The following ITCH variants were observed in gnomAD, a reference collection of about 807,000 sequenced individuals.
ITCH encodes the protein itchy E3 ubiquitin protein ligase.
ITCH carries 28 observed loss-of-function variants against 126.8 expected under a neutral mutation model. That is an observed-to-expected ratio of 0.22 (90% CI 0.16 to 0.30). The LOEUF is 0.30. Ranked by LOEUF, ITCH falls within the 10% of genes least tolerant of loss-of-function variation. The pLI is 1.00. For missense variants in ITCH, 631 were observed against 1,032.4 expected, an observed-to-expected ratio of 0.61 and a Z score of 5.33; for synonymous variants, 342 against 340.0, an observed-to-expected ratio of 1.01 and a Z score of -0.06.
intron 3 of ITCH, among the ~76,000 whole-genome samples, chr20:34,407,044 G>T (rs1361001107): frequency 6.6e-6 from 1 of 152,066 alleles, no homozygotes; most frequent in Admixed American, 6.6e-5. Context: ...AAATCATGGG[G>T]TGCTTTGCTA....
intron 3 of ITCH, 50 bp downstream of exon 3, chr20:34,393,931 TA>T (rs1180795737): frequency 1.6e-5 from 25 of 1,522,830 alleles, no homozygotes; most frequent in Non-Finnish European, 2.3e-5. Context: ...CCCGTATGAT[TA>T]AAAAATAATC....
At chr20:34,489,141 T>G in intron 20 of ITCH, 125 bp from the exon 21 acceptor site, 1 of 726,374 alleles carries the variant, frequency 1.4e-6, no homozygotes. Context: ...GTACAGGGGG[T>G]TCATTATGTT....
At chr20:34,442,510 T>C (rs1215467233) in intron 10 of ITCH, among the ~76,000 whole-genome samples, 1 of 152,198 alleles carries the variant, frequency 6.6e-6, no homozygotes, top group Non-Finnish European at 1.5e-5. Flanking sequence ...TTCACGCATA[T>C]TTCTTTCTTC....
intron 3 of ITCH, chr20:34,402,162 A>G (rs2038909560): frequency 8.2e-7 from 1 of 1,219,668 alleles, no homozygotes; most frequent in African/African-American, 1.5e-5. Flanking sequence ...CAGCACACAT[A>G]TGCAGCTCTT....
chr20:34,501,205 C>T (rs1990224888), intron 23 of ITCH, among the ~76,000 whole-genome samples: 1 of 152,146 alleles, frequency 6.6e-6, no homozygotes, highest in South Asian at 2.1e-4. Context: ...ATGGATCCAA[C>T]ATCCCACTTT....
intron 6 of ITCH, among the ~76,000 whole-genome samples, chr20:34,418,501 T>C (rs935059925): frequency 1.3e-5 from 2 of 152,086 alleles, no homozygotes; most frequent in African/African-American, 4.8e-5. Context: ...TGTGAATATA[T>C]TGATAATGTT....
chr20:34,394,152 C>T (rs1457927987), intron 3 of ITCH, among the ~76,000 whole-genome samples: 1 of 135,776 alleles, frequency 7.4e-6, no homozygotes, highest in Non-Finnish European at 1.5e-5. Context: ...GTAGAGGTTG[C>T]AGTGAGCTGA....
chr20:34,431,071 C>CA (rs984634571), intron 7 of ITCH, among the ~76,000 whole-genome samples: 2 of 151,954 alleles, frequency 1.3e-5, no homozygotes, highest in African/African-American at 4.8e-5. Context: ...TTCATAGAAC[C>CA]AAAACCTAAG....
At chr20:34,382,119 A>C (rs2038088738) in intron 2 of ITCH, among the ~76,000 whole-genome samples, 1 of 152,162 alleles carries the variant, frequency 6.6e-6, no homozygotes, top group African/African-American at 2.4e-5. Flanking sequence ...TTGGGATAGA[A>C]TGCTAAGGTG....
rs1051663951 is a variant in ITCH at position 34,454,231 on chromosome 20, G to A, written c.1211-3159G>A. Among the ~76,000 whole-genome samples the A allele has an allele frequency of 3.3e-5, 5 of 149,350 alleles. No individual in the cohort carries two copies. In the East Asian group the frequency reaches 6.0e-4, roughly 18 times the overall value. ...CGGCTCACTGCAACCTCCGCCTCCC[G>A]GGTTCACGCCATTCTCCTGCCTCAG... On this transcript the variant is annotated intron_variant, in intron 12 of 24. Transcript: ENST00000374864.
chr20:34,483,972 C>G (rs145475144), intron 20 of ITCH, among the ~76,000 whole-genome samples: 267 of 152,254 alleles, frequency 1.8e-3, no homozygotes, highest in African/African-American at 6.0e-3. Context: ...AGAGCTTGTG[C>G]TGGGAAACTC....
At chr20:34,408,213 C>CTAT (rs10627374) in intron 3 of ITCH, among the ~76,000 whole-genome samples, 83,818 of 151,848 alleles carry the variant, frequency 0.55, 23,673 homozygotes, top group African/African-American at 0.65. Flanking sequence ...GTAGCTGGGA[C>CTAT]TGGCACACGC....
chr20:34,412,418 G>A, intron 4 of ITCH, 97 bp from the exon 5 acceptor site: 1 of 926,174 alleles, frequency 1.1e-6, no homozygotes, highest in South Asian at 1.4e-5. Flanking sequence ...GGTGCAGTGA[G>A]AAGACTTTAG....
chr20:34,428,581 T>G (rs1027640860), intron 7 of ITCH, among the ~76,000 whole-genome samples: 1 of 152,242 alleles, frequency 6.6e-6, no homozygotes, highest in Admixed American at 6.5e-5. Context: ...TTTTTGTTTT[T>G]AAGTTTATTA....
chr20:34,490,302 A>C (rs866747813), intron 22 of ITCH, among the ~76,000 whole-genome samples: 1 of 152,246 alleles, frequency 6.6e-6, no homozygotes, highest in Admixed American at 6.5e-5. Context: ...TCATAACGGT[A>C]TCTCTCTAAA....
chr20:34,391,209 G>T (rs563287056), intron 2 of ITCH, among the ~76,000 whole-genome samples: 2 of 152,120 alleles, frequency 1.3e-5, no homozygotes, highest in Admixed American at 6.6e-5. Context: ...AGTGATACAT[G>T]TCCTATTTTT....
At chr20:34,426,831 G>T (rs1467595193) in intron 7 of ITCH, among the ~76,000 whole-genome samples, 1 of 151,860 alleles carries the variant, frequency 6.6e-6, no homozygotes, top group Non-Finnish European at 1.5e-5. Flanking sequence ...CTGGAGTGCA[G>T]TGACACAATT....
intron 23 of ITCH, among the ~76,000 whole-genome samples, chr20:34,503,620 T>C (rs1419483158): frequency 6.6e-6 from 1 of 152,204 alleles, no homozygotes. Flanking sequence ...ACTACTAAAA[T>C]TAAGCTTTTT....
chr20:34,376,301 G>T (rs2123022688), intron 2 of ITCH, among the ~76,000 whole-genome samples: 1 of 152,080 alleles, frequency 6.6e-6, no homozygotes. Context: ...GCATGATGGT[G>T]GTGTGCGCCT....
Sources: gnomAD v4.1 joint callset for allele counts (sites outside exome capture counted in the v4.1 genomes callset) on GRCh38, gnomAD v4.1.1 for gene constraint, MANE v1.5 for transcripts, NCBI Gene and HGNC (gene_info 2026-07-23, HGNC 2026-07-21) for gene names.